The following HECW2 variants were observed in gnomAD, a reference collection of about 807,000 sequenced individuals.
HECW2 encodes E3 ubiquitin-protein ligase HECW2.
In HECW2, 61 loss-of-function variants were observed where a neutral mutation model predicts 175.2. The ratio of observed to expected loss-of-function variants is 0.35; its 90% confidence interval spans 0.28 to 0.43. The LOEUF (loss-of-function observed/expected upper bound fraction) is 0.43, where lower values mean the gene tolerates loss of function less well. Ranked by LOEUF, HECW2 falls within the 20% of genes least tolerant of loss-of-function variation. The probability of loss-of-function intolerance (pLI) is 1.00; values close to 1 mark genes in which losing one functional copy is unlikely to be tolerated. For missense variants in HECW2, 1,524 were observed against 2,000.5 expected, an observed-to-expected ratio of 0.76 and a Z score of 4.54; for synonymous variants, 671 against 731.0, an observed-to-expected ratio of 0.92 and a Z score of 1.32.
intron 1 of HECW2, among the ~76,000 whole-genome samples, chr2:196,491,474 A>G (rs773057790): frequency 1.2e-4 from 16 of 133,076 alleles, no homozygotes; most frequent in African/African-American, 3.9e-4. Flanking sequence ...AGGTGTGTGT[A>G]TATATATATA....
intron 2 of HECW2, chr2:196,362,118 T>C: frequency 1.0e-6 from 1 of 985,352 alleles, no homozygotes; most frequent in Non-Finnish European, 1.2e-6. Flanking sequence ...CCAGTATGAA[T>C]GACACTAAAA....
chr2:196,365,960 T>C (rs765250771), intron 2 of HECW2, among the ~76,000 whole-genome samples: 37 of 152,320 alleles, frequency 2.4e-4, no homozygotes, highest in South Asian at 1.0e-3. Flanking sequence ...TGGGTCTGTA[T>C]AACATCAAAG....
At chr2:196,286,239 G>A (rs1421208594) in intron 14 of HECW2, among the ~76,000 whole-genome samples, 2 of 152,124 alleles carry the variant, frequency 1.3e-5, no homozygotes, top group Non-Finnish European at 2.9e-5. Flanking sequence ...CTGCCACAGA[G>A]AGCTGATTGT....
intron 2 of HECW2, among the ~76,000 whole-genome samples, chr2:196,347,962 T>G (rs1386612108): frequency 6.6e-6 from 1 of 152,160 alleles, no homozygotes; most frequent in Admixed American, 6.5e-5. Context: ...GGACACAGAG[T>G]TCACATTACT....
At chr2:196,523,350 G>C (rs1414069992) in intron 1 of HECW2, among the ~76,000 whole-genome samples, 1 of 151,770 alleles carries the variant, frequency 6.6e-6, no homozygotes, top group African/African-American at 2.4e-5. Flanking sequence ...TGCTGAAGTT[G>C]CTTATCAGCT....
intron 19 of HECW2, among the ~76,000 whole-genome samples, chr2:196,243,881 T>C (rs1404905499): frequency 1.3e-5 from 2 of 152,178 alleles, no homozygotes; most frequent in Non-Finnish European, 2.9e-5. Context: ...GCCCAGCCAA[T>C]TGTTCCTCTT....
At chr2:196,504,252 T>C (rs1156506581) in intron 1 of HECW2, among the ~76,000 whole-genome samples, 1 of 142,332 alleles carries the variant, frequency 7.0e-6, no homozygotes, top group Non-Finnish European at 1.5e-5. Context: ...GCCAAGATTG[T>C]GCCACTGCAC....
chr2:196,458,638 C>T (rs573368893), intron 1 of HECW2, among the ~76,000 whole-genome samples: 3 of 152,198 alleles, frequency 2.0e-5, no homozygotes, highest in Non-Finnish European at 2.9e-5. Context: ...GAGCCCGAGG[C>T]GGGTGGATCA....
chr2:196,312,653 C>A (rs754340774), intron 10 of HECW2, among the ~76,000 whole-genome samples: 13 of 152,058 alleles, frequency 8.5e-5, no homozygotes, highest in Non-Finnish European at 1.9e-4. Context: ...GCGTGGCCTG[C>A]CATGTATGTT....
At chr2:196,328,136 G>A (rs1288500274) in intron 5 of HECW2, among the ~76,000 whole-genome samples, 2 of 152,070 alleles carry the variant, frequency 1.3e-5, no homozygotes, top group East Asian at 1.9e-4. Flanking sequence ...TAAATTTTCT[G>A]AGCTATCAGG....
intron 23 of HECW2, among the ~76,000 whole-genome samples, chr2:196,222,697 A>G (rs1481808296): frequency 6.6e-6 from 1 of 152,154 alleles, no homozygotes; most frequent in South Asian, 2.1e-4. Flanking sequence ...TGGATCCATT[A>G]TTCTTTCTGG....
At chr2:196,212,378 G>A (rs1270916153) in intron 28 of HECW2, among the ~76,000 whole-genome samples, 1 of 152,040 alleles carries the variant, frequency 6.6e-6, no homozygotes, top group African/African-American at 2.4e-5. Context: ...AGGCCCCAGT[G>A]AGTGTTATTC....
At chr2:196,334,563 G>A in intron 3 of HECW2, 45 bp from the exon 4 acceptor site, 3 of 1,445,166 alleles carry the variant, frequency 2.1e-6, no homozygotes, top group Non-Finnish European at 1.9e-6. Context: ...AGTGAAACAA[G>A]TCATGGAGGA....
intron 10 of HECW2, among the ~76,000 whole-genome samples, chr2:196,309,065 C>T (rs1293705050): frequency 2.0e-5 from 3 of 152,178 alleles, no homozygotes; most frequent in African/African-American, 7.2e-5. Context: ...TGATCACATG[C>T]TTATCAACAG....
chr2:196,491,501 T>TATATACAC (rs1171351964), intron 1 of HECW2, among the ~76,000 whole-genome samples: 15 of 125,976 alleles, frequency 1.2e-4, no homozygotes, highest in African/African-American at 3.9e-4. Context: ...TATATATATA[T>TATATACAC]ACACACACAC....
At chr2:196,349,298 T>C (rs745830631) in intron 2 of HECW2, among the ~76,000 whole-genome samples, 1 of 152,232 alleles carries the variant, frequency 6.6e-6, no homozygotes, top group Non-Finnish European at 1.5e-5. Context: ...ACAGTCTATA[T>C]TACAGGAGTA....
intron 18 of HECW2, among the ~76,000 whole-genome samples, chr2:196,257,285 G>T (rs199874670): frequency 7.6e-6 from 1 of 131,170 alleles, no homozygotes; most frequent in East Asian, 1.9e-4. Context: ...GGTGAGGGGC[G>T]GGGGTGAAAA....
chr2:196,443,358 T>C (rs940461141), intron 1 of HECW2, among the ~76,000 whole-genome samples: 65 of 152,282 alleles, frequency 4.3e-4, no homozygotes, highest in African/African-American at 1.4e-3. Context: ...GAGAAGCATA[T>C]AGACTAGCAA....
chr2:196,217,320 C>T lies in HECW2; in HGVS notation c.4409-227G>A, dbSNP rs374474273. ...CCAAGAGGTCTCTGTTTTCATTTAACGGTCACTAAGTGAAACTAGTAAAGA... is the reference window on the plus strand; with the variant it reads ...CCAAGAGGTCTCTGTTTTCATTTAATGGTCACTAAGTGAAACTAGTAAAGA... On this transcript the variant is annotated intron_variant, in intron 26 of 28. Transcript: ENST00000644978. 1,268 of 403,272 alleles carry T rather than the reference C, an allele frequency of 3.1e-3. 5 individuals are homozygous for T. The highest frequency in any genetic ancestry group is 4.6e-3 in the Middle Eastern group (8 of 1,740). 25.0% of individuals were successfully genotyped at this position (403,272 alleles called of 1,614,324 possible).
Sources: allele counts gnomAD v4.1 joint callset (sites outside exome capture counted in the v4.1 genomes callset), GRCh38; gene constraint gnomAD v4.1.1; transcripts MANE v1.5; gene names NCBI Gene and HGNC (gene_info 2026-07-23, HGNC 2026-07-21).